TENM1: variants seen among roughly 807,000 people sequenced by gnomAD.
The protein encoded by TENM1 is teneurin transmembrane protein 1, also known as teneurin-1.
In TENM1, 35 loss-of-function variants were observed where a neutral mutation model predicts 174.8. That is an observed-to-expected ratio of 0.20 (90% CI 0.15 to 0.27). The LOEUF is 0.27. TENM1 is among the 10% of genes least tolerant of loss of function. The pLI is 1.00. For missense variants in TENM1, 1,633 were observed against 2,130.1 expected, an observed-to-expected ratio of 0.77 and a Z score of 4.59; for synonymous variants, 781 against 798.7, an observed-to-expected ratio of 0.98 and a Z score of 0.37.
intron 3 of TENM1, among the ~76,000 whole-genome samples, chrX:124,845,232 A>G (rs769107605): frequency 5.3e-4 from 59 of 112,253 alleles, no homozygotes; most frequent in South Asian, 5.2e-3. Context: ...ACTTTTAACT[A>G]AGACACATAT....
the TENM1 span, among the ~76,000 whole-genome samples, chrX:125,125,221 C>A: frequency 2.7e-5 from 3 of 111,940 alleles, no homozygotes; most frequent in Non-Finnish European, 5.6e-5. Context: ...TTTGATCCTG[C>A]CAATAAATCG....
intron 5 of TENM1, among the ~76,000 whole-genome samples, chrX:124,672,419 TATCAG>T (rs1370845219): frequency 9.0e-6 from 1 of 111,549 alleles, no homozygotes; most frequent in African/African-American, 3.3e-5. Context: ...TTTAAACTGC[TATCAG>T]AAGATTAAAA....
At chrX:125,156,955 G>A in the TENM1 span, among the ~76,000 whole-genome samples, 1 of 112,544 alleles carries the variant, frequency 8.9e-6, no homozygotes, top group Non-Finnish European at 1.9e-5. Context: ...GAAGTATTAT[G>A]TGCCAGGCAC....
rs761662582 is a variant in TENM1, at chrX:124,530,121, A to G, written c.2652-138T>C. ...ACCAACCAGTAGAAAACTACTAATA[A>G]CATTCTGGGGAGGAGTTTTTTTTTT... On this transcript the variant is annotated intron_variant, in intron 15 of 31. Transcript: ENST00000422452. The G allele has an allele frequency of 1.0e-4, 68 of 649,912 alleles. No homozygotes were observed. The East Asian group carries it at 2.2e-3, about 21-fold the overall frequency. The allele number at this position is 649,912 out of a possible 1,213,427, so 53.6% of individuals were successfully genotyped here. A position where few individuals can be genotyped will look rare whatever the true frequency, so the allele number is the denominator to read the frequency against.
At chrX:124,440,494 C>T (rs759840820) in intron 23 of TENM1, among the ~76,000 whole-genome samples, 8 of 111,443 alleles carry the variant, frequency 7.2e-5, no homozygotes, top group Non-Finnish European at 1.3e-4. Context: ...TAACCAGCTC[C>T]AAAATTCTAG....
At chrX:125,121,565 C>T in the TENM1 span, among the ~76,000 whole-genome samples, 1 of 111,551 alleles carries the variant, frequency 9.0e-6, no homozygotes, top group East Asian at 2.8e-4. Flanking sequence ...TTTCAAATCT[C>T]GTAAGACACT....
chrX:124,571,809 T>C (rs942574394), intron 11 of TENM1, among the ~76,000 whole-genome samples: 13 of 111,533 alleles, frequency 1.2e-4, no homozygotes, highest in African/African-American at 4.2e-4. Context: ...TTTACAGGTG[T>C]ATTTTGTCAA....
chrX:124,495,245 G>T (rs1602537084), intron 20 of TENM1, among the ~76,000 whole-genome samples: 1 of 100,516 alleles, frequency 9.9e-6, no homozygotes, highest in Non-Finnish European at 2.1e-5. Context: ...GTTTTGATTT[G>T]CATTTCTCTG....
In TENM1 at chrX:124,793,110, G is replaced by A. The variant is rs186789082; in HGVS notation, c.536-55913C>T. On this transcript the variant is annotated intron_variant, in intron 3 of 31. Coordinates refer to ENST00000422452, the Ensembl canonical transcript of TENM1. ...TAGATGCAAGTTTCTGGAATTAAAT[G>A]TGCCAGGCAGGAAAATAATTTTATA... Among the ~76,000 whole-genome samples, 42 of 111,905 alleles carry A rather than the reference G, an allele frequency of 3.8e-4. No individual in the cohort carries two copies. In the East Asian group the frequency reaches 0.012, roughly 31 times the overall value.
At chrX:125,192,557 G>T in the TENM1 span, among the ~76,000 whole-genome samples, 1 of 111,368 alleles carries the variant, frequency 9.0e-6, no homozygotes, top group African/African-American at 3.3e-5. Context: ...GGTAAGAAAT[G>T]ATGGTGGTTT....
chrX:124,997,493 G>A, the TENM1 span, among the ~76,000 whole-genome samples: 1 of 111,214 alleles, frequency 9.0e-6, no homozygotes, highest in East Asian at 2.8e-4. Context: ...GTCAAGTATC[G>A]ACAAACACAG....
At chrX:124,463,165 A>G (rs770151983) in intron 22 of TENM1, among the ~76,000 whole-genome samples, 2 of 111,901 alleles carry the variant, frequency 1.8e-5, no homozygotes, top group South Asian at 7.6e-4. Context: ...CCATGTTAGG[A>G]GTTCTGAAGA....
chrX:125,007,701 T>C, the TENM1 span, among the ~76,000 whole-genome samples: 1 of 111,842 alleles, frequency 8.9e-6, no homozygotes, highest in African/African-American at 3.3e-5. Flanking sequence ...GCAGAAACCC[T>C]ACAAGCCAGA....
At chrX:124,532,339 C>A (rs767053554) in intron 15 of TENM1, among the ~76,000 whole-genome samples, 1 of 111,882 alleles carries the variant, frequency 8.9e-6, no homozygotes. Flanking sequence ...CACACACAGA[C>A]CTGTCTCTCC....
At chrX:124,487,276 G>C in intron 20 of TENM1, 47 bp from the exon 24 acceptor site, 1 of 1,117,805 alleles carries the variant, frequency 8.9e-7, no homozygotes, top group Non-Finnish European at 1.2e-6. Flanking sequence ...AGCAAACAGA[G>C]AGTCATCAGT....
chrX:125,069,331 T>C, the TENM1 span, among the ~76,000 whole-genome samples: 14 of 112,021 alleles, frequency 1.2e-4, no homozygotes, highest in Non-Finnish European at 1.9e-4. Context: ...AGGACATGAT[T>C]TCTTTCTTTC....
At chrX:124,684,397 C>T (rs750242476) in intron 5 of TENM1, among the ~76,000 whole-genome samples, 23 of 112,787 alleles carry the variant, frequency 2.0e-4, no homozygotes, top group South Asian at 1.8e-3. Context: ...CAGGCTTACA[C>T]AGCACAGTGT....
At chrX:124,412,013 C>A (rs1275648263) in intron 25 of TENM1, 1 of 112,479 alleles carries the variant, frequency 8.9e-6, no homozygotes, top group Non-Finnish European at 1.9e-5. Context: ...ACTCACCTAA[C>A]CAGGCTGCAA....
chrX:124,712,902 C>T (rs904637313), intron 4 of TENM1, among the ~76,000 whole-genome samples: 2 of 112,289 alleles, frequency 1.8e-5, no homozygotes, highest in Non-Finnish European at 3.8e-5. Context: ...GGGTCAGCCC[C>T]ATTTTCTTCT....
Sources: allele counts gnomAD v4.1 joint callset (sites outside exome capture counted in the v4.1 genomes callset), GRCh38; gene constraint gnomAD v4.1.1; transcripts MANE v1.5; gene names NCBI Gene and HGNC (gene_info 2026-07-23, HGNC 2026-07-21).